Variants in RANBP2 observed in about 807,000 individuals in gnomAD.
RANBP2 encodes E3 SUMO-protein ligase RanBP2.
In RANBP2, 57 loss-of-function variants were observed where a neutral mutation model predicts 303.6. That is an observed-to-expected ratio of 0.19 (90% CI 0.15 to 0.23). RANBP2 has a LOEUF of 0.23. Ranked by LOEUF, RANBP2 falls within the 10% of genes least tolerant of loss-of-function variation. The pLI, the probability that RANBP2 is intolerant of heterozygous loss-of-function variation, is 1.00. For synonymous variants in RANBP2, 1,167 were observed against 1,301.5 expected (o/e 0.90, Z 2.23); for missense variants, 3,138 against 3,780.8 (o/e 0.83, Z 4.46).
At chr2:108,792,423 A>G in the RANBP2 span, among the ~76,000 whole-genome samples, 1 of 152,226 alleles carries the variant, frequency 6.6e-6, no homozygotes, top group African/African-American at 2.4e-5. Flanking sequence ...AGTGGAAAAC[A>G]TGGGATAAGG....
At chr2:108,895,415 T>C in the RANBP2 span, 1 of 152,662 alleles carries the variant, frequency 6.6e-6, no homozygotes, top group Admixed American at 6.5e-5. Context: ...ATCACTAGCC[T>C]GGCTCCTGAG....
At chr2:109,376,143 G>C in the RANBP2 span, among the ~76,000 whole-genome samples, 1 of 152,238 alleles carries the variant, frequency 6.6e-6, no homozygotes, top group Non-Finnish European at 1.5e-5. Context: ...CTGCTCCTCG[G>C]TCCATTGCTG....
At chr2:109,423,001 G>A in the RANBP2 span, among the ~76,000 whole-genome samples, 1 of 152,166 alleles carries the variant, frequency 6.6e-6, no homozygotes, top group Non-Finnish European at 1.5e-5. Flanking sequence ...GAGAGCAACG[G>A]AACTCTTGGC....
At chr2:108,805,963 A>G in the RANBP2 span, among the ~76,000 whole-genome samples, 1 of 152,070 alleles carries the variant, frequency 6.6e-6, no homozygotes, top group Non-Finnish European at 1.5e-5. Flanking sequence ...AAATGAAAGC[A>G]TTGGGCTGGG....
At chr2:108,796,938 T>C in the RANBP2 span, among the ~76,000 whole-genome samples, 1 of 152,208 alleles carries the variant, frequency 6.6e-6, no homozygotes, top group South Asian at 2.1e-4. Flanking sequence ...TGATAATTTA[T>C]TGTATATTTT....
At chr2:109,092,732 T>C in the RANBP2 span, among the ~76,000 whole-genome samples, 1 of 152,182 alleles carries the variant, frequency 6.6e-6, no homozygotes, top group Non-Finnish European at 1.5e-5. Flanking sequence ...TCTCTCTGTC[T>C]GTGTAAATGT....
the RANBP2 span, among the ~76,000 whole-genome samples, chr2:109,084,580 G>A: frequency 6.6e-6 from 1 of 152,192 alleles, no homozygotes; most frequent in Non-Finnish European, 1.5e-5. Flanking sequence ...GGATACTAGA[G>A]TGTAGCCTCT....
chr2:109,603,239 T>C, the RANBP2 span, among the ~76,000 whole-genome samples: 1 of 152,000 alleles, frequency 6.6e-6, no homozygotes. Context: ...TTATTAATAT[T>C]ATTATTTTTT....
At chr2:109,355,907 G>A in the RANBP2 span, among the ~76,000 whole-genome samples, 1 of 152,206 alleles carries the variant, frequency 6.6e-6, no homozygotes, top group Non-Finnish European at 1.5e-5. Context: ...TTTGTAACAT[G>A]AGGACAAATC....
At chr2:109,459,942 T>G in the RANBP2 span, among the ~76,000 whole-genome samples, 381 of 152,302 alleles carry the variant, frequency 2.5e-3, 2 homozygotes, top group Non-Finnish European at 3.3e-3. Flanking sequence ...TGATGCTGAT[T>G]CAGAGCATAC....
intron 23 of RANBP2, 110 bp from the exon 24 acceptor site, chr2:108,775,622 C>G: frequency 8.9e-7 from 1 of 1,124,156 alleles, no homozygotes; most frequent in Non-Finnish European, 1.3e-6. Context: ...TGTGTTTATT[C>G]TATCTTCTCC....
chr2:109,557,559 C>T, the RANBP2 span, among the ~76,000 whole-genome samples: 2 of 152,216 alleles, frequency 1.3e-5, no homozygotes, highest in Non-Finnish European at 2.9e-5. Context: ...AATGTGGTGT[C>T]TCAGCAGGAG....
At chr2:109,290,090 A>G in the RANBP2 span, among the ~76,000 whole-genome samples, 4 of 152,218 alleles carry the variant, frequency 2.6e-5, no homozygotes, top group Non-Finnish European at 4.4e-5. Context: ...TGTGATGCCA[A>G]TGCTGCTGGT....
At chr2:108,915,345 G>T in the RANBP2 span, among the ~76,000 whole-genome samples, 1 of 152,204 alleles carries the variant, frequency 6.6e-6, no homozygotes, top group East Asian at 1.9e-4. Flanking sequence ...ACAGGAGAAT[G>T]GGCTGGATGC....
the RANBP2 span, among the ~76,000 whole-genome samples, chr2:108,809,859 G>A: frequency 6.6e-6 from 1 of 152,160 alleles, no homozygotes; most frequent in South Asian, 2.1e-4. Flanking sequence ...AGGCTGGAGT[G>A]CAGCAGCACG....
the RANBP2 span, among the ~76,000 whole-genome samples, chr2:108,827,586 G>A: frequency 6.6e-6 from 1 of 151,062 alleles, no homozygotes; most frequent in African/African-American, 2.4e-5. Context: ...GGAGGCCAAG[G>A]TGGGCGGATC....
the RANBP2 span, among the ~76,000 whole-genome samples, chr2:108,889,586 G>A: frequency 1.3e-5 from 2 of 149,168 alleles, no homozygotes; most frequent in African/African-American, 5.0e-5. Context: ...TTGACTTAAA[G>A]TCTATTTTAT....
chr2:109,266,587 G>A, the RANBP2 span, among the ~76,000 whole-genome samples: 18 of 152,092 alleles, frequency 1.2e-4, no homozygotes, highest in Non-Finnish European at 8.8e-5. Flanking sequence ...CCTGATGCCC[G>A]TCACCGAGAC....
the RANBP2 span, among the ~76,000 whole-genome samples, chr2:108,855,336 G>T: frequency 6.6e-6 from 1 of 152,088 alleles, no homozygotes; most frequent in Non-Finnish European, 1.5e-5. Context: ...TTTAAAAACT[G>T]TATAGTATTC....
Sources: gnomAD v4.1 joint callset for allele counts (sites outside exome capture counted in the v4.1 genomes callset) on GRCh38, gnomAD v4.1.1 for gene constraint, MANE v1.5 for transcripts, NCBI Gene and HGNC (gene_info 2026-07-23, HGNC 2026-07-21) for gene names.